Variants in STYXL1 observed in about 807,000 individuals in gnomAD.
The protein encoded by STYXL1 is serine/threonine/tyrosine interacting like 1.
In STYXL1, 32 loss-of-function variants were observed where a neutral mutation model predicts 36.4. The ratio of observed to expected loss-of-function variants is 0.88; its 90% confidence interval spans 0.66 to 1.18. STYXL1 has a LOEUF of 1.18. STYXL1 is among the 50% of genes most tolerant of loss of function. STYXL1 has a pLI of 0.00. For synonymous variants in STYXL1, 133 were observed against 144.1 expected, an observed-to-expected ratio of 0.92 and a Z score of 0.55; for missense variants, 354 against 394.1, an observed-to-expected ratio of 0.90 and a Z score of 0.86.
chr7:76,042,890 G>A (rs1354583811), intron 1 of STYXL1, among the ~76,000 whole-genome samples: 2 of 152,158 alleles, frequency 1.3e-5, no homozygotes, highest in African/African-American at 4.8e-5. Context: ...CAGCCCCTAG[G>A]GTAGCTTGGC....
At position 75,997,341 on chromosome 7, in the gene STYXL1, G is replaced by A. The variant is rs573347773; in HGVS notation, c.811-742C>T. On this transcript the variant is annotated intron_variant, in intron 8 of 8. Transcript: ENST00000359697. Reference sequence around the variant, plus strand: ...CCCAGCTACTTGGGTGGCTGAGGCAGGAAAATTGCTTGAACCTGGGAGGCG... The same window carrying A: ...CCCAGCTACTTGGGTGGCTGAGGCAAGAAAATTGCTTGAACCTGGGAGGCG... Among the ~76,000 whole-genome samples the A allele has an allele frequency of 3.9e-5, 6 of 152,322 alleles. No homozygotes were observed. The East Asian group carries it at 1.2e-3, about 29-fold the overall frequency.
In STYXL1 at chr7:76,030,532, G is replaced by A. The variant is rs781835665; in HGVS notation, c.-4-5C>T. On this transcript the variant is annotated splice_region_variant and splice_polypyrimidine_tract_variant and intron_variant, in intron 1 of 8. Transcript: ENST00000359697. ...AAAAGCAAACCAGGCATCCTGCTGG[G>A]AAGAATCAATAACACACAAGGGTAA... 3.2e-6 allele frequency: 5 copies of A among 1,574,136 alleles called. No individual in the cohort carries two copies. The highest frequency in any genetic ancestry group is 1.1e-5 in the South Asian group (1 of 90,356).
At chr7:76,017,462 A>G (rs1375462509) in intron 4 of STYXL1, among the ~76,000 whole-genome samples, 1 of 152,180 alleles carries the variant, frequency 6.6e-6, no homozygotes, top group Non-Finnish European at 1.5e-5. Flanking sequence ...ACAGATATAG[A>G]AAACCAGATA....
chr7:76,033,048 G>A (rs576769202), intron 1 of STYXL1, among the ~76,000 whole-genome samples: 6 of 152,282 alleles, frequency 3.9e-5, no homozygotes, highest in East Asian at 3.9e-4. Flanking sequence ...AGCTAGGCTC[G>A]GGCTCCAGTT....
intron 3 of STYXL1, among the ~76,000 whole-genome samples, chr7:76,026,817 G>A (rs756198177): frequency 4.7e-4 from 72 of 152,206 alleles, no homozygotes; most frequent in Non-Finnish European, 3.7e-4. Flanking sequence ...GGGTGGCTAA[G>A]ACAGGCAGAT....
intron 5 of STYXL1, among the ~76,000 whole-genome samples, chr7:76,005,891 GGAGGAGGAGA>G (rs1791681964): frequency 1.6e-5 from 2 of 126,054 alleles, no homozygotes; most frequent in African/African-American, 2.9e-5. Flanking sequence ...GAGAGGAGGA[GGAGGAGGAGA>G]GAGGAGGAGG....
intron 3 of STYXL1, among the ~76,000 whole-genome samples, chr7:76,027,893 C>T (rs1429650479): frequency 3.3e-5 from 5 of 151,620 alleles, no homozygotes; most frequent in Non-Finnish European, 1.5e-5. Context: ...GGCTTGAGTC[C>T]AGGAGTTCAA....
intron 5 of STYXL1, among the ~76,000 whole-genome samples, chr7:76,010,868 G>C (rs781989861): frequency 6.6e-6 from 1 of 152,126 alleles, no homozygotes; most frequent in Non-Finnish European, 1.5e-5. Flanking sequence ...ACATTAAACC[G>C]CCCTAGCTTC....
At position 76,038,032 on chromosome 7, in the gene STYXL1, A is replaced by G. The variant is rs1263882800; in HGVS notation, c.-4-7505T>C. Among the ~76,000 whole-genome samples the G allele has an allele frequency of 4.0e-5, 6 of 150,266 alleles. 1 individual carries two copies. Among genetic ancestry groups the G allele is most frequent in the African/African-American group, 1.5e-4 (6 of 41,098 alleles). ...TAAATTGCCTAGCAGTGGGCCTGACACATGGCAGTAGCTTAGGAAATTCCT... is the reference window on the plus strand; with the variant it reads ...TAAATTGCCTAGCAGTGGGCCTGACGCATGGCAGTAGCTTAGGAAATTCCT... On this transcript the variant is annotated intron_variant, in intron 1 of 8. Transcript: ENST00000359697.
chr7:76,005,859 AGAG>A (rs1563467897), intron 5 of STYXL1, among the ~76,000 whole-genome samples: 1 of 28,776 alleles, frequency 3.5e-5, no homozygotes, highest in East Asian at 1.1e-3. Context: ...AGAGGAGGAG[AGAG>A]GAGGAAGAGA....
chr7:76,017,881 A>AAAAAAAAAAAAAAAAAAAT, intron 4 of STYXL1, among the ~76,000 whole-genome samples: 1 of 133,932 alleles, frequency 7.5e-6, no homozygotes. Context: ...AAAAAAAAAA[A>AAAAAAAAAAAAAAAAAAAT]GGCAAGACAG....
At chr7:76,029,923 A>ACC (rs1313891126) in intron 2 of STYXL1, among the ~76,000 whole-genome samples, 2 of 151,944 alleles carry the variant, frequency 1.3e-5, no homozygotes, top group Non-Finnish European at 2.9e-5. Flanking sequence ...CCTGCTGCTC[A>ACC]CCTCCTGCTG....
intron 1 of STYXL1, among the ~76,000 whole-genome samples, chr7:76,031,668 T>C (rs578070261): frequency 2.7e-5 from 4 of 150,852 alleles, no homozygotes; most frequent in African/African-American, 9.7e-5. Context: ...TGAGCCAAGA[T>C]TGCACCACTG....
chr7:76,046,337 T>C (rs1424131426), intron 1 of STYXL1, among the ~76,000 whole-genome samples: 3,653 of 22,978 alleles, frequency 0.16, 182 homozygotes, highest in African/African-American at 0.32. Context: ...TGTGTGTGTG[T>C]GTGCGCGCGC....
intron 3 of STYXL1, 38 bp from the exon 4 acceptor site, chr7:76,022,030 TTGG>T: frequency 1.3e-6 from 2 of 1,587,090 alleles, no homozygotes; most frequent in Non-Finnish European, 1.7e-6. Context: ...GAGAGGCCTG[TTGG>T]TGGGCAGGTT....
chr7:76,046,645 CTTTTT>C (rs147700789), intron 1 of STYXL1, among the ~76,000 whole-genome samples: 14 of 116,052 alleles, frequency 1.2e-4, no homozygotes, highest in Admixed American at 1.8e-4. Context: ...CCACACCCGG[CTTTTT>C]TTTTTTTTTT....
chr7:76,032,795 TTGTCTGAGGATG>T (rs1246602603), intron 1 of STYXL1, among the ~76,000 whole-genome samples: 1 of 151,784 alleles, frequency 6.6e-6, no homozygotes, highest in African/African-American at 2.4e-5. Context: ...GGGAAAAGGG[TTGTCTGAGGATG>T]TGACTGCTAA....
At chr7:76,047,208 C>CCAAG (rs1797242062) in intron 1 of STYXL1, among the ~76,000 whole-genome samples, 1 of 152,040 alleles carries the variant, frequency 6.6e-6, no homozygotes, top group African/African-American at 2.4e-5. Flanking sequence ...TTGCAGTGAG[C>CCAAG]CAAGATCGCG....
intron 5 of STYXL1, among the ~76,000 whole-genome samples, chr7:76,007,201 C>T (rs1193166909): frequency 4.0e-5 from 6 of 151,776 alleles, no homozygotes; most frequent in Admixed American, 6.6e-5. Context: ...CCGAGGCAGG[C>T]GCATCACCTG....
Sources: allele counts gnomAD v4.1 joint callset (sites outside exome capture counted in the v4.1 genomes callset), GRCh38; gene constraint gnomAD v4.1.1; transcripts MANE v1.5; gene names NCBI Gene and HGNC (gene_info 2026-07-23, HGNC 2026-07-21).